The following SH3TC2 variants were observed in gnomAD, a reference collection of about 807,000 sequenced individuals.
SH3TC2 encodes the protein SH3 domain and tetratricopeptide repeats 2.
A neutral mutation model predicts 124.5 loss-of-function variants in SH3TC2; 87 were observed. That is an observed-to-expected ratio of 0.70 (90% CI 0.59 to 0.84). The LOEUF (loss-of-function observed/expected upper bound fraction) is 0.84, where lower values mean the gene tolerates loss of function less well. Among genes scored for constraint, SH3TC2 ranks in the 40% least tolerant of loss-of-function variants. The probability of loss-of-function intolerance (pLI) is 0.00; values close to 1 mark genes in which losing one functional copy is unlikely to be tolerated. For missense variants in SH3TC2, 1,536 were observed against 1,566.4 expected, an observed-to-expected ratio of 0.98 and a Z score of 0.33; for synonymous variants, 634 against 628.5, an observed-to-expected ratio of 1.01 and a Z score of -0.13.
chr5:149,058,572 T>A (rs1031685189), intron 1 of SH3TC2, among the ~76,000 whole-genome samples: 1 of 152,178 alleles, frequency 6.6e-6, no homozygotes, highest in Non-Finnish European at 1.5e-5. Context: ...AGAGCTTTTT[T>A]TTTTTTAATA....
At chr5:149,062,255 C>T (rs1444541759) in intron 1 of SH3TC2, 2 of 468,856 alleles carry the variant, frequency 4.3e-6, no homozygotes, top group East Asian at 6.3e-5. Context: ...TCCTGATAAA[C>T]ACCACACAAG....
chr5:149,041,498 A>G lies in SH3TC2; in HGVS notation c.649T>C (p.Leu217=). Reference sequence around the variant, plus strand: ...CCTGTCACCAAAGACACGCCTTCCAACTCGGAGCCAGCTTCTGCCATCTTC... The same window carrying G: ...CCTGTCACCAAAGACACGCCTTCCAGCTCGGAGCCAGCTTCTGCCATCTTC... The part of the protein sequence containing the change: ...SVKMAEAGSE[L]EGVSLVTGQR... Residue 217 remains leucine, a synonymous_variant, in exon 6 of 17, where the codon TTG becomes CTG. Transcript: ENST00000515425. 1 of 1,614,046 alleles carries G rather than the reference A, an allele frequency of 6.2e-7. No individual in the cohort carries two copies. Among genetic ancestry groups the G allele is most frequent in the Non-Finnish European group, 8.5e-7 (1 of 1,180,024 alleles).
rs569378409 is a variant in SH3TC2, at chr5:148,989,884, A to T, written c.*14827T>A. On this transcript the variant is annotated 3_prime_UTR_variant, in exon 17 of 17. Transcript: ENST00000515425. ...TGTCCCTATGAATCAATCCACCTGC[A>T]CTGGGGAAAAATGAGATACATAACA... 2.6e-4 allele frequency among the ~76,000 whole-genome samples: 39 copies of T among 152,230 alleles called. No individual in the cohort carries two copies. The highest frequency in any genetic ancestry group is 4.3e-4 in the Non-Finnish European group (29 of 68,012).
intron 12 of SH3TC2, chr5:149,026,153 C>A: frequency 1.1e-5 from 2 of 185,144 alleles, no homozygotes; most frequent in Non-Finnish European, 2.3e-5. Context: ...TTCTTCTGTC[C>A]TTGGTATAAC....
intron 12 of SH3TC2, among the ~76,000 whole-genome samples, chr5:149,025,304 T>A (rs1046690502): frequency 1.3e-5 from 2 of 151,526 alleles, no homozygotes; most frequent in South Asian, 4.2e-4. Flanking sequence ...TGAGGGAGAG[T>A]GAGAGGAAGA....
chr5:149,055,366 G>T (rs1208813681), intron 1 of SH3TC2, among the ~76,000 whole-genome samples: 1 of 152,074 alleles, frequency 6.6e-6, no homozygotes, highest in East Asian at 1.9e-4. Context: ...ATGGGCAAAA[G>T]GCTTGAATAA....
rs775952174 is a variant in SH3TC2, at chr5:149,063,046, G to A, written c.-24C>T. On this transcript the variant is annotated 5_prime_UTR_variant, in exon 1 of 17. Coordinates refer to ENST00000515425, the MANE Select transcript of SH3TC2 (RefSeq NM_024577.4). The stretch of plus-strand genomic sequence containing the variant: ...ATGTGTGTACCATCCTACCCTGGCC[G>A]AGGCCCTTGGGAACACAGGCCAGAA... The A allele has an allele frequency of 1.7e-5, 27 of 1,586,380 alleles. No individual in the cohort carries two copies. Among genetic ancestry groups the A allele is most frequent in the South Asian group, 3.5e-5 (3 of 86,736 alleles).
rs1306880969 is a variant in SH3TC2, at chr5:148,997,620, T to C, written c.*7091A>G. Among the ~76,000 whole-genome samples, 1 of 152,228 alleles carries C rather than the reference T, an allele frequency of 6.6e-6. No homozygotes were observed. Among genetic ancestry groups the C allele is most frequent in the Admixed American group, 6.5e-5 (1 of 15,286 alleles). On this transcript the variant is annotated 3_prime_UTR_variant, in exon 17 of 17. Coordinates refer to ENST00000515425, the MANE Select transcript of SH3TC2 (RefSeq NM_024577.4). The stretch of plus-strand genomic sequence containing the variant: ...GCTGATGAAACAAGTTTTAATCTAA[T>C]GCTTCTATTCATGATCATATTAGTG...
At chr5:149,007,472 A>T (rs1753710023) in intron 15 of SH3TC2, 1 of 433,904 alleles carries the variant, frequency 2.3e-6, no homozygotes, top group Non-Finnish European at 4.2e-6. Context: ...GGACATGGTG[A>T]CAAGTCTAGC....
intron 8 of SH3TC2, among the ~76,000 whole-genome samples, chr5:149,037,286 T>C (rs543845843): frequency 2.1e-4 from 30 of 143,008 alleles, no homozygotes; most frequent in African/African-American, 7.7e-4. Context: ...CATGAAGTTC[T>C]CTTGATATCC....
At chr5:149,061,259 G>C (rs1417779391) in intron 1 of SH3TC2, among the ~76,000 whole-genome samples, 3 of 152,076 alleles carry the variant, frequency 2.0e-5, no homozygotes, top group Non-Finnish European at 4.4e-5. Context: ...TTTCAGCTGC[G>C]TAACTCTGTT....
chr5:149,033,246 T>A (rs924671018), intron 8 of SH3TC2, among the ~76,000 whole-genome samples: 2 of 152,122 alleles, frequency 1.3e-5, no homozygotes, highest in Admixed American at 1.3e-4. Flanking sequence ...GAATTTAGAA[T>A]TTAGGGAAAG....
At chr5:149,013,188 A>T (rs1753813178) in intron 12 of SH3TC2, among the ~76,000 whole-genome samples, 1 of 152,086 alleles carries the variant, frequency 6.6e-6, no homozygotes, top group Non-Finnish European at 1.5e-5. Flanking sequence ...CTCATCTTGA[A>T]TTGTAGCTCC....
intron 11 of SH3TC2, 29 bp downstream of exon 11, chr5:149,026,831 A>G (rs1184497287): frequency 1.9e-6 from 3 of 1,614,210 alleles, no homozygotes; most frequent in East Asian, 2.2e-5. Flanking sequence ...TTTTCTCTAT[A>G]GCTTCCCAGC....
rs755909798 is a variant in SH3TC2, at chr5:149,028,075, C to T, written c.1657G>A (p.Glu553Lys). ...GCTCCATTGAGAATGTGGATGGCCT[C>T]CTCGAAGTACACCCTGGCCTGAGAG... The part of the protein sequence containing the change: ...KLSQARVYFE[E>K]AIHILNGAFE... The change falls in exon 11 of 17, where the codon GAG becomes AAG. Residue 553 changes from glutamate to lysine, a missense_variant. Physicochemically the swap from Glu to Lys is moderately conservative, Grantham distance 56. Transcript: ENST00000515425. The T allele has an allele frequency of 1.2e-6, 2 of 1,614,092 alleles. No homozygotes were observed. Among genetic ancestry groups the T allele is most frequent in the Admixed American group, 3.3e-5 (2 of 60,030 alleles).
Position 149,044,652 on chromosome 5 carries a change from A to G in SH3TC2, c.280-14T>C. 12 of 1,601,130 alleles carry G rather than the reference A, an allele frequency of 7.5e-6. No individual in the cohort carries two copies. The highest frequency in any genetic ancestry group is 1.0e-5 in the Non-Finnish European group (12 of 1,168,168). ...TGCTGAGAGGTCCTACGTAAAGGAA[A>G]CAATGAGTCAGCCTGGGATGACAGA... On this transcript the variant is annotated splice_polypyrimidine_tract_variant and intron_variant, in intron 3 of 16. Coordinates refer to ENST00000515425, the MANE Select transcript of SH3TC2 (RefSeq NM_024577.4).
In SH3TC2 at chr5:148,983,316, A is replaced by G. The variant is rs886060094; in HGVS notation, c.*21395T>C. Among the ~76,000 whole-genome samples, 15 of 152,206 alleles carry G rather than the reference A, an allele frequency of 9.9e-5. No homozygotes were observed. Among genetic ancestry groups the G allele is most frequent in the Admixed American group, 2.6e-4 (4 of 15,282 alleles). On this transcript the variant is annotated 3_prime_UTR_variant, in exon 17 of 17. Coordinates refer to ENST00000515425, the MANE Select transcript of SH3TC2 (RefSeq NM_024577.4). ...TCTCTCCATCTCTCTGAAGAGGGGC[A>G]CCTGGGTGTCATGAATACACCTGTG...
intron 6 of SH3TC2, 76 bp from the exon 7 acceptor site, chr5:149,040,753 T>C (rs963293175): frequency 2.0e-5 from 24 of 1,204,330 alleles, no homozygotes; most frequent in Non-Finnish European, 2.7e-5. Context: ...TCTATCAGAA[T>C]AATGATGATG....
At chr5:149,012,850 G>T in intron 12 of SH3TC2, 116 bp from the exon 13 acceptor site, 16 of 1,188,842 alleles carry the variant, frequency 1.3e-5, no homozygotes, top group Non-Finnish European at 1.8e-5. Context: ...CATCACACAG[G>T]GAGGTGGGCC....
Sources: allele counts gnomAD v4.1 joint callset (sites outside exome capture counted in the v4.1 genomes callset), GRCh38; gene constraint gnomAD v4.1.1; transcripts MANE v1.5; gene names NCBI Gene and HGNC (gene_info 2026-07-23, HGNC 2026-07-21).